Variants in ENAH observed in about 807,000 individuals in gnomAD.
ENAH encodes ENAH actin regulator, also known as protein enabled homolog.
Under a neutral mutation model 78.7 loss-of-function variants are expected in ENAH, and 23 were observed. The ratio of observed to expected loss-of-function variants is 0.29; its 90% confidence interval spans 0.21 to 0.41. The LOEUF (loss-of-function observed/expected upper bound fraction) is 0.41. ENAH is among the 10% of genes least tolerant of loss of function. The probability of loss-of-function intolerance (pLI) is 1.00; values close to 1 mark genes in which losing one functional copy is unlikely to be tolerated. For missense variants in ENAH, 544 were observed against 691.0 expected, an observed-to-expected ratio of 0.79 and a Z score of 2.39; for synonymous variants, 226 against 241.0, an observed-to-expected ratio of 0.94 and a Z score of 0.58.
chr1:225,560,112 G>A (rs947163519), intron 2 of ENAH, among the ~76,000 whole-genome samples: 28 of 152,128 alleles, frequency 1.8e-4, no homozygotes, highest in South Asian at 1.2e-3. Context: ...ATCCCCATTG[G>A]GACTTCCTCA....
intron 1 of ENAH, among the ~76,000 whole-genome samples, chr1:225,644,019 T>A (rs371719547): frequency 1.3e-5 from 2 of 152,036 alleles, no homozygotes; most frequent in African/African-American, 4.8e-5. Context: ...AATACAAATA[T>A]AGTATAATTC....
intron 1 of ENAH, among the ~76,000 whole-genome samples, chr1:225,640,363 A>G (rs1023691786): frequency 5.9e-5 from 9 of 152,148 alleles, no homozygotes; most frequent in Non-Finnish European, 1.3e-4. Context: ...CACCCCAACT[A>G]TGTACTATTA....
chr1:225,557,635 A>G (rs961888958), intron 2 of ENAH, among the ~76,000 whole-genome samples: 4 of 152,290 alleles, frequency 2.6e-5, no homozygotes, highest in African/African-American at 9.6e-5. Context: ...AGCCTGGCCA[A>G]CATGGTGAAA....
intron 1 of ENAH, among the ~76,000 whole-genome samples, chr1:225,598,456 A>C (rs1051946927): frequency 1.4e-4 from 21 of 152,206 alleles, no homozygotes; most frequent in African/African-American, 4.3e-4. Flanking sequence ...CATCAACTTG[A>C]CTGGGTGAGG....
chr1:225,653,298 A>G (rs1447186742), upstream of ENAH, among the ~76,000 whole-genome samples: 1 of 150,646 alleles, frequency 6.6e-6, no homozygotes, highest in African/African-American at 2.4e-5. This position sits in a 1 kb window ranked among gnomAD's most constrained non-coding sequence, Gnocchi z 4.3. Flanking sequence ...CCCCCGCCGG[A>G]CTGCGGAGAG....
At chr1:225,602,262 T>C (rs2657564) in intron 1 of ENAH, among the ~76,000 whole-genome samples, 60,975 of 151,990 alleles carry the variant, frequency 0.4, 13,901 homozygotes, top group African/African-American at 0.63. Context: ...ACGAACTCCG[T>C]GATGAGACCT....
intron 1 of ENAH, among the ~76,000 whole-genome samples, chr1:225,586,207 T>C (rs2096845337): frequency 7.5e-6 from 1 of 134,120 alleles, no homozygotes; most frequent in Non-Finnish European, 1.5e-5. Context: ...TGAGCCGAGG[T>C]TGCACCACTG....
At chr1:225,587,468 T>C (rs1294352384) in intron 1 of ENAH, among the ~76,000 whole-genome samples, 2 of 152,182 alleles carry the variant, frequency 1.3e-5, no homozygotes, top group African/African-American at 4.8e-5. Context: ...ATGCGTAAAA[T>C]CTTTATGCTG....
At chr1:225,594,739 T>C (rs958888389) in intron 1 of ENAH, among the ~76,000 whole-genome samples, 2 of 152,204 alleles carry the variant, frequency 1.3e-5, no homozygotes, top group African/African-American at 4.8e-5. Flanking sequence ...TTAATCTTTT[T>C]AAACTTTCTT....
intron 1 of ENAH, among the ~76,000 whole-genome samples, chr1:225,648,580 C>CA (rs1203277266): frequency 6.6e-6 from 1 of 152,048 alleles, no homozygotes; most frequent in Non-Finnish European, 1.5e-5. Context: ...TACTGACATT[C>CA]AAAAAATGAA....
intron 13 of ENAH, 116 bp from the exon 14 acceptor site, chr1:225,497,928 T>C: frequency 3.2e-6 from 2 of 629,328 alleles, no homozygotes; most frequent in Non-Finnish European, 2.7e-6. Context: ...ATAAGAAGAT[T>C]AACTTTGCAT....
rs774711589 is a variant in ENAH at position 225,497,650 on chromosome 1, CCTT to C, written c.*122_*124del. ...TTTCAGAGTAGGTTGGTTTTTCCCT[CCTT>C]CTGTTTGTCTCCATTTTCTTCTTAC... On this transcript the variant is annotated 3_prime_UTR_variant, in exon 14 of 14. Transcript: ENST00000366843. 31 of 911,524 alleles carry C rather than the reference CCTT, an allele frequency of 3.4e-5. No homozygotes were observed. The highest frequency in any genetic ancestry group is 4.5e-5 in the Non-Finnish European group (28 of 618,294). The allele number at this position is 911,524 out of a possible 1,614,324, so 56.5% of individuals were successfully genotyped here.
intron 1 of ENAH, among the ~76,000 whole-genome samples, chr1:225,583,831 G>A (rs1216884300): frequency 6.7e-6 from 1 of 149,364 alleles, no homozygotes; most frequent in Non-Finnish European, 1.5e-5. Flanking sequence ...AGAAAAGAAA[G>A]AAAGAAAAGA....
chr1:225,590,082 A>AACACACACACACACACACACACAC (rs3050220), intron 1 of ENAH, among the ~76,000 whole-genome samples: 1 of 131,416 alleles, frequency 7.6e-6, no homozygotes, highest in Non-Finnish European at 1.6e-5. Flanking sequence ...CTCATCACTC[A>AACACACACACACACACACACACAC]ACACACACAC....
At chr1:225,538,545 A>G (rs556400478) in intron 3 of ENAH, among the ~76,000 whole-genome samples, 1 of 152,064 alleles carries the variant, frequency 6.6e-6, no homozygotes, top group South Asian at 2.1e-4. Flanking sequence ...TACCATCATA[A>G]ACATCTTCCC....
At chr1:225,634,174 G>T (rs1405663224) in intron 1 of ENAH, among the ~76,000 whole-genome samples, 1 of 152,038 alleles carries the variant, frequency 6.6e-6, no homozygotes, top group Admixed American at 6.6e-5. Flanking sequence ...TTGTGGTTGG[G>T]GTACTAGGCT....
intron 1 of ENAH, among the ~76,000 whole-genome samples, chr1:225,646,836 A>T (rs1662056517): frequency 6.6e-6 from 1 of 152,026 alleles, no homozygotes; most frequent in African/African-American, 2.4e-5. Context: ...TGTTTAAGCC[A>T]CCCAGTCTAT....
chr1:225,653,420 C>A (rs185414012), upstream of ENAH, among the ~76,000 whole-genome samples: 5 of 150,386 alleles, frequency 3.3e-5, no homozygotes, highest in South Asian at 2.1e-4. This position sits in a 1 kb window ranked among gnomAD's most constrained non-coding sequence, Gnocchi z 4.3. Flanking sequence ...CACCACCCCC[C>A]CCTCCCGCCC....
intron 5 of ENAH, chr1:225,518,977 A>G (rs529340368): frequency 2.9e-6 from 2 of 700,346 alleles, no homozygotes; most frequent in African/African-American, 1.8e-5. Context: ...CAGAATAAAA[A>G]TTTCCAAGAG....
Sources: gnomAD v4.1 joint callset for allele counts (sites outside exome capture counted in the v4.1 genomes callset) on GRCh38, gnomAD v4.1.1 for gene constraint, Gnocchi (gnomAD v3.1) non-coding constraint, MANE v1.5 for transcripts, NCBI Gene and HGNC (gene_info 2026-07-23, HGNC 2026-07-21) for gene names.